The following ENTPD6 variants were observed in gnomAD, a reference collection of about 807,000 sequenced individuals.
The protein encoded by ENTPD6 is CD39 antigen-like 2.
ENTPD6 carries 46 observed loss-of-function variants against 61.5 expected under a neutral mutation model. That is an observed-to-expected ratio of 0.75 (90% CI 0.59 to 0.96). The LOEUF (loss-of-function observed/expected upper bound fraction) is 0.96. Ranked by LOEUF, ENTPD6 falls within the 40% of genes least tolerant of loss-of-function variation. The pLI, the probability that ENTPD6 is intolerant of heterozygous loss-of-function variation, is 0.00. For synonymous variants in ENTPD6, 252 were observed against 255.5 expected, an observed-to-expected ratio of 0.99 and a Z score of 0.13; for missense variants, 612 against 629.0, an observed-to-expected ratio of 0.97 and a Z score of 0.29.
At chr20:25,199,865 A>G (rs2090889599) in intron 1 of ENTPD6, among the ~76,000 whole-genome samples, 1 of 152,202 alleles carries the variant, frequency 6.6e-6, no homozygotes, top group Non-Finnish European at 1.5e-5. Flanking sequence ...TCAGCTCTAA[A>G]TTGAATTTTG....
chr20:25,216,231 G>A (rs2092307582), intron 7 of ENTPD6, among the ~76,000 whole-genome samples: 1 of 152,156 alleles, frequency 6.6e-6, no homozygotes, highest in South Asian at 2.1e-4. Flanking sequence ...AGACAAAAAA[G>A]GAAAGAAGTT....
intron 3 of ENTPD6, among the ~76,000 whole-genome samples, chr20:25,207,883 C>A (rs1371955897): frequency 6.6e-6 from 1 of 152,224 alleles, no homozygotes; most frequent in Non-Finnish European, 1.5e-5. Context: ...GAGCTGGAGC[C>A]TGGGCTTCGT....
chr20:25,202,939 G>T (rs1479109217), intron 1 of ENTPD6, among the ~76,000 whole-genome samples: 1 of 152,140 alleles, frequency 6.6e-6, no homozygotes, highest in South Asian at 2.1e-4. Flanking sequence ...ACTCCCTTTA[G>T]TAGTCTGGTA....
chr20:25,215,780 C>T (rs41308643), intron 7 of ENTPD6, 69 bp downstream of exon 7: 32,375 of 1,481,962 alleles, frequency 0.022, 715 homozygotes, highest in African/African-American at 0.091. Flanking sequence ...CTGGGCCTTT[C>T]GAGAGCAGGA....
At chr20:25,213,819 G>A (rs540473320) in intron 5 of ENTPD6, among the ~76,000 whole-genome samples, 10 of 152,264 alleles carry the variant, frequency 6.6e-5, no homozygotes, top group Non-Finnish European at 8.8e-5. Flanking sequence ...GCATTGTGGC[G>A]CATGCCTGTC....
chr20:25,223,090 C>A, intron 12 of ENTPD6, 112 bp downstream of exon 12: 1 of 1,259,290 alleles, frequency 7.9e-7, no homozygotes, highest in Non-Finnish European at 1.1e-6. Flanking sequence ...ACCCTGTTGT[C>A]ACATCCCTGC....
chr20:25,206,329 A>G (rs1473695), intron 1 of ENTPD6, among the ~76,000 whole-genome samples, 193 bp from the exon 2 acceptor site: 83,267 of 152,156 alleles, frequency 0.55, 23,822 homozygotes, highest in East Asian at 0.92. Context: ...GAGTCGGCCC[A>G]CACTTCTTGT....
rs1178823039 is a variant in ENTPD6, at chr20:25,225,881, G to A, written c.*284G>A. On this transcript the variant is annotated 3_prime_UTR_variant, in exon 15 of 15. Transcript: ENST00000376652. ...CAGAACCACAGGCACACACTGAGGGGGCAGTGTGGCTCCCTGCCTGTCCCA... is the reference window on the plus strand; with the variant it reads ...CAGAACCACAGGCACACACTGAGGGAGCAGTGTGGCTCCCTGCCTGTCCCA... The A allele has an allele frequency of 2.8e-6, 1 of 352,338 alleles. No homozygotes were observed. The highest frequency in any genetic ancestry group is 4.5e-5 in the Admixed American group (1 of 22,148). The allele number at this position is 352,338 out of a possible 1,614,324, so 21.8% of individuals were successfully genotyped here. A position where few individuals can be genotyped will look rare whatever the true frequency, so the allele number is the denominator to read the frequency against.
intron 6 of ENTPD6, among the ~76,000 whole-genome samples, 178 bp downstream of exon 6, chr20:25,215,120 A>G (rs988567532): frequency 6.6e-6 from 1 of 152,326 alleles, no homozygotes; most frequent in African/African-American, 2.4e-5. Context: ...CACAATTGAC[A>G]TGTCACAAAA....
chr20:25,217,886 T>TCTC (rs1280211014), intron 9 of ENTPD6, among the ~76,000 whole-genome samples: 1 of 130,006 alleles, frequency 7.7e-6, no homozygotes, highest in African/African-American at 3.0e-5. Flanking sequence ...CAGACCTCTC[T>TCTC]CTCCTCCTCC....
intron 4 of ENTPD6, among the ~76,000 whole-genome samples, chr20:25,211,778 C>G (rs1337470188): frequency 6.6e-6 from 1 of 152,162 alleles, no homozygotes; most frequent in Non-Finnish European, 1.5e-5. Context: ...CTTCATTACC[C>G]ACACATGCAA....
In ENTPD6 at chr20:25,225,696, C is replaced by CT; in HGVS notation, c.*99_*100insT. 1.1e-5 allele frequency: 11 copies of CT among 975,966 alleles called. No homozygotes were observed. Among genetic ancestry groups the CT allele is most frequent in the African/African-American group, 1.6e-5 (1 of 61,480 alleles). The allele number at this position is 975,966 out of a possible 1,614,324, so 60.5% of individuals were successfully genotyped here. A position where few individuals can be genotyped will look rare whatever the true frequency, so the allele number is the denominator to read the frequency against. On this transcript the variant is annotated 3_prime_UTR_variant, in exon 15 of 15. Transcript: ENST00000376652. ...CATCCTGAGGAGCCACAGCACAGGC[C>CT]GTGCTGGCACTTTCTGCACACTGGC...
intron 13 of ENTPD6, 148 bp from the exon 14 acceptor site, chr20:25,225,057 G>A: frequency 7.8e-7 from 1 of 1,288,208 alleles, no homozygotes; most frequent in Non-Finnish European, 1.1e-6. Context: ...TGCACTGGGT[G>A]CCTTCTGCGC....
chr20:25,206,672 C>T, intron 2 of ENTPD6, 82 bp downstream of exon 2: 1 of 1,022,284 alleles, frequency 9.8e-7, no homozygotes, highest in South Asian at 1.3e-5. Context: ...AGAAGTATAA[C>T]TGAGGATTGA....
intron 9 of ENTPD6, among the ~76,000 whole-genome samples, chr20:25,218,185 T>A (rs2092443379): frequency 6.6e-6 from 1 of 152,186 alleles, no homozygotes. Context: ...TGGAGAAGGT[T>A]TGAGAAGTGG....
chr20:25,200,700 CT>C (rs2090961485), intron 1 of ENTPD6, among the ~76,000 whole-genome samples: 1 of 152,062 alleles, frequency 6.6e-6, no homozygotes, highest in South Asian at 2.1e-4. Context: ...GTCAGTCTAG[CT>C]AAAGGTTTGA....
chr20:25,216,417 C>T (rs914717863), intron 7 of ENTPD6, among the ~76,000 whole-genome samples: 6 of 152,154 alleles, frequency 3.9e-5, no homozygotes, highest in African/African-American at 1.4e-4. Context: ...GTTTCAGTAT[C>T]TCCCCTGAAG....
intron 10 of ENTPD6, among the ~76,000 whole-genome samples, chr20:25,219,038 C>G (rs1178736149): frequency 6.6e-6 from 1 of 152,206 alleles, no homozygotes; most frequent in Non-Finnish European, 1.5e-5. Flanking sequence ...TGTACCACCA[C>G]GCCCAGCTAA....
rs766097746 is a variant in ENTPD6 at position 25,207,316 on chromosome 20, G to A, written c.295G>A (p.Glu99Lys). The change falls in exon 3 of 15, where the codon GAG (glutamate) becomes AAG (lysine). Residue 99 changes from glutamate to lysine, a missense_variant. Transcript: ENST00000376652. ...CCTGGGGACAGCTGCAGACGGGCAC[G>A]AGGTCTTCTACGGGATCATGTTTGA... ...SPLGTAADGH[E>K]VFYGIMFDAG... is the part of the protein sequence containing the mutation. 27 of 1,602,474 alleles carry A rather than the reference G, an allele frequency of 1.7e-5. No homozygotes were observed. Among genetic ancestry groups the A allele is most frequent in the East Asian group, 2.2e-5 (1 of 44,568 alleles).
Sources: allele counts gnomAD v4.1 joint callset (sites outside exome capture counted in the v4.1 genomes callset), GRCh38; gene constraint gnomAD v4.1.1; transcripts MANE v1.5; gene names NCBI Gene and HGNC (gene_info 2026-07-23, HGNC 2026-07-21).